Variants in GALNT2 observed in about 807,000 individuals in gnomAD.
GALNT2 encodes polypeptide N-acetylgalactosaminyltransferase 2, also known as UDP-GalNAc:polypeptide N-acetylgalactosaminyltransferase 2.
Under a neutral mutation model 81.4 loss-of-function variants are expected in GALNT2, and 31 were observed. That is an observed-to-expected ratio of 0.38 (90% CI 0.29 to 0.51). The LOEUF is 0.51. Ranked by LOEUF, GALNT2 falls within the 20% of genes least tolerant of loss-of-function variation. GALNT2 has a pLI of 0.87. For synonymous variants in GALNT2, 303 were observed against 287.4 expected (o/e 1.05, Z -0.55); for missense variants, 629 against 765.7 (o/e 0.82, Z 2.11).
chr1:230,128,334 G>A (rs1024410941), intron 1 of GALNT2, among the ~76,000 whole-genome samples: 2 of 152,092 alleles, frequency 1.3e-5, no homozygotes, highest in Non-Finnish European at 2.9e-5. Context: ...GCAGGCGTGT[G>A]TTCTCCGATG....
chr1:230,223,191 C>CTTT lies in GALNT2; in HGVS notation c.375-12810_375-12808dup, dbSNP rs68127660. Among the ~76,000 whole-genome samples the CTTT allele has an allele frequency of 1.4e-3, 195 of 139,212 alleles. 1 individual carries two copies. The highest frequency in any genetic ancestry group is 4.5e-3 in the African/African-American group (170 of 38,092). The allele number at this position is 139,212 out of a possible 152,430, so 91.3% of individuals were successfully genotyped here. Reference sequence around the variant, plus strand: ...ACCCCACTTTATTTGTTTTTCTTTTCTTTTTTTTTTTTTTTAATAGAGATG... The same window carrying CTTT: ...ACCCCACTTTATTTGTTTTTCTTTTCTTTTTTTTTTTTTTTTTTAATAGAGATG... On this transcript the variant is annotated intron_variant, in intron 3 of 15. Transcript: ENST00000366672.
chr1:230,277,048 T>C (rs917463531), intron 15 of GALNT2, among the ~76,000 whole-genome samples: 1 of 152,266 alleles, frequency 6.6e-6, no homozygotes, highest in Non-Finnish European at 1.5e-5. Context: ...TTGACAGGTG[T>C]TTCTGCTTCA....
upstream of GALNT2, among the ~76,000 whole-genome samples, chr1:230,066,782 C>A (rs942142437): frequency 1.3e-5 from 2 of 152,150 alleles, no homozygotes. Context: ...CGAGAGGCCC[C>A]GTGTGCGTGA....
rs1558173807 is a variant in GALNT2 at position 230,275,027 on chromosome 1, C to CCACACATATACATATATACAT, written c.1560+463_1560+464insCACACATATACATATATACAT. On this transcript the variant is annotated intron_variant, in intron 15 of 15. Coordinates refer to ENST00000366672, the MANE Select transcript of GALNT2 (RefSeq NM_004481.5). The surrounding 1 kb of genome is among the most constrained non-coding windows in gnomAD (Gnocchi z 5.5). ...CATGCCACATATATACATATATACA[C>CCACACATATACATATATACAT]GCCACATATATACACATATATACAT... Among the ~76,000 whole-genome samples the CCACACATATACATATATACAT allele has an allele frequency of 6.6e-6, 1 of 150,444 alleles. No individual in the cohort carries two copies. The highest frequency in any genetic ancestry group is 1.5e-5 in the Non-Finnish European group (1 of 67,788).
chr1:230,076,124 C>T (rs1659547215), intron 1 of GALNT2, among the ~76,000 whole-genome samples: 1 of 152,184 alleles, frequency 6.6e-6, no homozygotes, highest in South Asian at 2.1e-4. Context: ...GTTGTGTGTA[C>T]TCTCATAATC....
chr1:230,211,736 G>A (rs1363475625), intron 3 of GALNT2, among the ~76,000 whole-genome samples: 1 of 152,124 alleles, frequency 6.6e-6, no homozygotes, highest in African/African-American at 2.4e-5. Flanking sequence ...TCATGCTATT[G>A]CACTCTAGCC....
rs144208849 is a variant in GALNT2 at position 230,136,476 on chromosome 1, C to T, written c.127-41742C>T. ...ACATTCATTCGTGAGGCCTGTCTGC[C>T]GCGCTTTCTCTCCCGGATGTGAGTT... On this transcript the variant is annotated intron_variant, in intron 1 of 15. Coordinates refer to ENST00000366672, the MANE Select transcript of GALNT2 (RefSeq NM_004481.5). Among the ~76,000 whole-genome samples the T allele has an allele frequency of 1.7e-3, 254 of 152,296 alleles. 1 individual carries two copies. Among genetic ancestry groups the T allele is most frequent in the African/African-American group, 5.7e-3 (235 of 41,554 alleles).
chr1:230,111,876 C>A (rs934409943), intron 1 of GALNT2, among the ~76,000 whole-genome samples: 2 of 151,768 alleles, frequency 1.3e-5, no homozygotes, highest in Non-Finnish European at 2.9e-5. Flanking sequence ...TAAGAAGTGG[C>A]CCCCAGGATT....
At chr1:230,230,007 T>A (rs1664822976) in intron 3 of GALNT2, among the ~76,000 whole-genome samples, 1 of 152,202 alleles carries the variant, frequency 6.6e-6, no homozygotes, top group Non-Finnish European at 1.5e-5. Flanking sequence ...AAAATTTTTT[T>A]AATCAAAGGC....
At chr1:230,160,848 A>G (rs1020853889) in intron 1 of GALNT2, among the ~76,000 whole-genome samples, 8 of 151,872 alleles carry the variant, frequency 5.3e-5, no homozygotes, top group Non-Finnish European at 1.2e-4. Context: ...ACAGAAGGGG[A>G]TATAATACCC....
At chr1:230,201,774 C>G (rs1009208741) in intron 2 of GALNT2, among the ~76,000 whole-genome samples, 1 of 152,168 alleles carries the variant, frequency 6.6e-6, no homozygotes, top group Non-Finnish European at 1.5e-5. Context: ...ATGCTCATGT[C>G]GACACTAGGA....
intron 2 of GALNT2, among the ~76,000 whole-genome samples, chr1:230,194,467 C>T (rs1399188928): frequency 6.6e-6 from 1 of 152,214 alleles, no homozygotes; most frequent in African/African-American, 2.4e-5. Context: ...GCCCTTCTCT[C>T]CCAGAGGCAG....
chr1:230,249,144 A>C lies in GALNT2; in HGVS notation c.818-40A>C, dbSNP rs766430695. ...ATGGGGGTGTCGGGAGGAAGTGGCCAGTCTCTTGTCAACACCCTGTTTCTT... is the reference window on the plus strand; with the variant it reads ...ATGGGGGTGTCGGGAGGAAGTGGCCCGTCTCTTGTCAACACCCTGTTTCTT... On this transcript the variant is annotated intron_variant, in intron 8 of 15. Coordinates refer to ENST00000366672, the MANE Select transcript of GALNT2 (RefSeq NM_004481.5). The C allele has an allele frequency of 9.6e-6, 15 of 1,561,684 alleles. No homozygotes were observed. In the South Asian group the frequency reaches 1.7e-4, roughly 17 times the overall value.
intron 2 of GALNT2, among the ~76,000 whole-genome samples, chr1:230,198,399 CAG>C (rs1663776180): frequency 1.0e-4 from 13 of 128,468 alleles, no homozygotes; most frequent in Non-Finnish European, 2.1e-4. Flanking sequence ...AGGGGCAGGA[CAG>C]CAGCCCAGGA....
intron 3 of GALNT2, among the ~76,000 whole-genome samples, chr1:230,213,819 A>C (rs1040240758): frequency 7.2e-5 from 11 of 152,234 alleles, no homozygotes; most frequent in African/African-American, 2.2e-4. Flanking sequence ...CTTCTTAGAC[A>C]ATGCACAGAC....
chr1:230,226,394 A>G (rs1358047611), intron 3 of GALNT2, among the ~76,000 whole-genome samples: 1 of 152,148 alleles, frequency 6.6e-6, no homozygotes, highest in Admixed American at 6.5e-5. Flanking sequence ...GAATATCTGT[A>G]TATGAATGGA....
intron 1 of GALNT2, among the ~76,000 whole-genome samples, chr1:230,171,047 A>C (rs1662776796): frequency 6.6e-6 from 1 of 152,246 alleles, no homozygotes; most frequent in Admixed American, 6.5e-5. Context: ...AATAGGTCAC[A>C]CAGCCTATTT....
intron 1 of GALNT2, among the ~76,000 whole-genome samples, chr1:230,161,229 C>T (rs56217501): frequency 2.0e-5 from 3 of 152,146 alleles, no homozygotes; most frequent in Admixed American, 2.0e-4. Context: ...CCAAGGTGGC[C>T]TCACGTGTCC....
intron 1 of GALNT2, chr1:230,058,127 C>T (rs1442368549): frequency 4.4e-6 from 2 of 456,042 alleles, no homozygotes; most frequent in South Asian, 3.1e-5. Context: ...AAGTCTGGGG[C>T]TATGGGGGCG....
Sources: allele counts gnomAD v4.1 joint callset (sites outside exome capture counted in the v4.1 genomes callset), GRCh38; gene constraint gnomAD v4.1.1; non-coding constraint Gnocchi (gnomAD v3.1); transcripts MANE v1.5; gene names NCBI Gene and HGNC (gene_info 2026-07-23, HGNC 2026-07-21).